WDR90: variants seen among roughly 807,000 people sequenced by gnomAD.
WDR90 encodes WD repeat-containing protein 90.
In WDR90, 238 loss-of-function variants were observed where a neutral mutation model predicts 195.2. The observed-to-expected ratio is 1.22, with a 90% CI of 1.10 to 1.36. WDR90 has a LOEUF of 1.36. Ranked by LOEUF, WDR90 falls within the 40% of genes most tolerant of loss-of-function variation. WDR90 has a pLI of 0.00. For missense variants in WDR90, 2,734 were observed against 2,439.5 expected (o/e 1.12, Z -2.54); for synonymous variants, 1,265 against 1,052.4 (o/e 1.20, Z -3.91).
chr16:649,272 G>C, upstream of WDR90: 1 of 959,034 alleles, frequency 1.0e-6, no homozygotes, highest in East Asian at 3.3e-5. Flanking sequence ...TCCCACCGGG[G>C]AGGTCACGTG....
Position 650,662 on chromosome 16 carries a change from G to C in WDR90, c.512G>C (p.Ser171Thr), listed in dbSNP as rs201099087. ...GHLKSIRLCA[S>T]LLVRNLYTSD... ...CTCAAGAGCATCAGGCTGTGCGCCAGCCTGCTGGTCAGGAACCTGTACACC... is the reference window on the plus strand; with the variant it reads ...CTCAAGAGCATCAGGCTGTGCGCCACCCTGCTGGTCAGGAACCTGTACACC... The change falls in exon 5 of 41, where the codon AGC becomes ACC. Residue 171 changes from serine (S) to threonine (T), a missense_variant. Transcript: ENST00000293879. 72 of 1,612,526 alleles carry C rather than the reference G, an allele frequency of 4.5e-5. No individual in the cohort carries two copies. Among genetic ancestry groups the C allele is most frequent in the Non-Finnish European group, 3.6e-5 (43 of 1,179,802 alleles).
chr16:662,536 G>A (rs569423494), intron 33 of WDR90, 143 bp from the exon 34 acceptor site: 149 of 1,292,096 alleles, frequency 1.2e-4, no homozygotes, highest in Middle Eastern at 1.1e-3. Context: ...CAGCTCCATG[G>A]GCTTTCTCTT....
chr16:663,167 G>C, intron 34 of WDR90: 1 of 422,810 alleles, frequency 2.4e-6, no homozygotes, highest in South Asian at 1.9e-5. Context: ...TCCGGGCGTG[G>C]TGGTTCATGC....
intron 34 of WDR90, among the ~76,000 whole-genome samples, chr16:663,763 C>T (rs542016925): frequency 1.7e-4 from 26 of 152,230 alleles, no homozygotes; most frequent in Non-Finnish European, 3.5e-4. Flanking sequence ...ACCGTGTCGC[C>T]CCCTCACCCG....
Position 652,450 on chromosome 16 carries a change from GC to G in WDR90, c.1054-16del. 6.3e-7 allele frequency: 1 copy of G among 1,595,136 alleles called. No homozygotes were observed. The highest frequency in any genetic ancestry group is 8.6e-7 in the Non-Finnish European group (1 of 1,169,478). The stretch of plus-strand genomic sequence containing the variant: ...TGGCTGAGCCTCCCAGGACTTTGAT[GC>G]GAATGGCTGTTTCAGGGCTTCCTCC... On this transcript the variant is annotated splice_polypyrimidine_tract_variant and intron_variant, in intron 9 of 40. Transcript: ENST00000293879.
At position 650,038 on chromosome 16, in the gene WDR90, T is replaced by C; in HGVS notation, c.150T>C (p.Ser50=). The change falls in exon 3 of 41, where the codon TCT becomes TCC. Residue 50 remains serine (S), a synonymous_variant. Coordinates refer to ENST00000293879, the MANE Select transcript of WDR90 (RefSeq NM_145294.5). ...TGTATCGCATTCGGGGCTCAGTCTC[T>C]GCCGCCAACTACATCCAGCTCCCTA... The part of the protein sequence containing the change: ...GAVYRIRGSV[S]AANYIQLPKS... 1 of 1,612,888 alleles carries C rather than the reference T, an allele frequency of 6.2e-7. No homozygotes were observed. Among genetic ancestry groups the C allele is most frequent in the Non-Finnish European group, 8.5e-7 (1 of 1,179,984 alleles).
chr16:661,072 G>A lies in WDR90; in HGVS notation c.3413G>A (p.Gly1138Asp), dbSNP rs867337301. 2.8e-6 allele frequency: 4 copies of A among 1,421,250 alleles called. No individual in the cohort carries two copies. Among genetic ancestry groups the A allele is most frequent in the African/African-American group, 2.1e-5 (1 of 48,634 alleles). 88.0% of individuals were successfully genotyped at this position (1,421,250 alleles called of 1,614,324 possible). The part of the protein sequence containing the change: ...PDTGFFAYTC[G>D]RLVVVEDLHS... ...ACAGGCTTCTTTGCCTACACGTGCGGCCGCCTGGTGGTGGTGGAGGACCTG... is the reference window on the plus strand; with the variant it reads ...ACAGGCTTCTTTGCCTACACGTGCGACCGCCTGGTGGTGGTGGAGGACCTG... The change falls in exon 29 of 41, where the codon GGC becomes GAC. Residue 1138 changes from glycine (G) to aspartate (D), a missense_variant. Physicochemically the swap from Gly to Asp is moderately conservative, Grantham distance 94. Coordinates refer to ENST00000293879, the MANE Select transcript of WDR90 (RefSeq NM_145294.5).
chr16:649,976 C>A lies in WDR90; in HGVS notation c.103-15C>A, dbSNP rs773032586. The A allele has an allele frequency of 3.1e-6, 5 of 1,611,432 alleles. No individual in the cohort carries two copies. The Admixed American group carries it at 8.3e-5, about 27-fold the overall frequency. On this transcript the variant is annotated splice_polypyrimidine_tract_variant and intron_variant, in intron 2 of 40. Transcript: ENST00000293879. ...TTCTGGGTGCTGTCGGTGATGCGGG[C>A]TCCCGCTTCTCCAGGACAAGACCCT...
chr16:664,044 G>A (rs528417404), intron 34 of WDR90, among the ~76,000 whole-genome samples: 1 of 152,334 alleles, frequency 6.6e-6, no homozygotes, highest in East Asian at 1.9e-4. Context: ...ACGATAGCCA[G>A]CAAAGAAAGT....
In WDR90 at chr16:656,750, T is replaced by A. The variant is rs779915893; in HGVS notation, c.2221T>A (p.Ser741Thr). 8.1e-6 allele frequency: 13 copies of A among 1,612,962 alleles called. No individual in the cohort carries two copies. The East Asian group carries it at 2.9e-4, about 36-fold the overall frequency. Residue 741 changes from serine to threonine, a missense_variant, in exon 19 of 41, where the codon TCA becomes ACA. Ser to Thr is a moderately conservative substitution (Grantham distance 58). Coordinates refer to ENST00000293879, the MANE Select transcript of WDR90 (RefSeq NM_145294.5). ...CCCACAGCTATACGACTTCACATCA[T>A]CAGAGGACGCCCCGTGCGCTGTCAC... ...TLQQLYDFTS[S>T]EDAPCAVTFH...
At position 667,779 on chromosome 16, in the gene WDR90, C is replaced by T. The variant is rs1341263143; in HGVS notation, c.*190C>T. The T allele has an allele frequency of 3.9e-6, 3 of 766,312 alleles. No individual in the cohort carries two copies. The highest frequency in any genetic ancestry group is 6.6e-6 in the Non-Finnish European group (3 of 455,514). 47.5% of individuals were successfully genotyped at this position (766,312 alleles called of 1,614,324 possible). The stretch of plus-strand genomic sequence containing the variant: ...ACTTTCATACCTGTTGCCCTTTTGC[C>T]TAAGAAATCTTTAATGTTTCTATCT... On this transcript the variant is annotated 3_prime_UTR_variant, in exon 41 of 41. Transcript: ENST00000293879.
rs1356966603 is a variant in WDR90, at chr16:658,877, G to T, written c.2896-19G>T. ...CATGCCCCGCCTCGGGGTCCTGCAT[G>T]TGACGCCGCTACCCCTAGGTGTACA... On this transcript the variant is annotated intron_variant, in intron 23 of 40. Coordinates refer to ENST00000293879, the MANE Select transcript of WDR90 (RefSeq NM_145294.5). 6.2e-7 allele frequency: 1 copy of T among 1,609,854 alleles called. No homozygotes were observed. The highest frequency in any genetic ancestry group is 8.5e-7 in the Non-Finnish European group (1 of 1,179,538).
rs1307187426 is a variant in WDR90 at position 651,752 on chromosome 16, G to A, written c.840+5G>A. 1.2e-6 allele frequency: 2 copies of A among 1,613,062 alleles called. No homozygotes were observed. Among genetic ancestry groups the A allele is most frequent in the East Asian group, 2.2e-5 (1 of 44,886 alleles). On this transcript the variant is annotated splice_donor_5th_base_variant and intron_variant, in intron 8 of 40. Transcript: ENST00000293879. ...CAGACGCCCAGCCCCACAGCCGTGA[G>A]TACCCCCTTCGCCCTATGAGATGGG...
Position 656,140 on chromosome 16 carries a change from C to T in WDR90, c.1967-162C>T. 10 of 794,416 alleles carry T rather than the reference C, an allele frequency of 1.3e-5. No individual in the cohort carries two copies. In the South Asian group the frequency reaches 1.4e-4, roughly 11 times the overall value. The allele number at this position is 794,416 out of a possible 1,614,324, so 49.2% of individuals were successfully genotyped here. Reference sequence around the variant, plus strand: ...CCCCTCAGCCTGGGTCCCGCCTAGCCTAAGAGTGGTGGCCTCGAGGGAGCT... The same window carrying T: ...CCCCTCAGCCTGGGTCCCGCCTAGCTTAAGAGTGGTGGCCTCGAGGGAGCT... On this transcript the variant is annotated intron_variant, in intron 17 of 40. Coordinates refer to ENST00000293879, the MANE Select transcript of WDR90 (RefSeq NM_145294.5).
Position 657,762 on chromosome 16 carries a change from C to A in WDR90, c.2474C>A (p.Ala825Glu), listed in dbSNP as rs772626875. The change falls in exon 21 of 41, where the codon GCG becomes GAG. Residue 825 changes from alanine to glutamate, a missense_variant and splice_region_variant. Transcript: ENST00000293879. ...DPQWHVLRVA[A>E]DMVCPDAPAS... ...TGACCCCTGCCCCGTGTGGCCACAGCGGACATGGTATGCCCGGATGCCCCC... is the reference window on the plus strand; with the variant it reads ...TGACCCCTGCCCCGTGTGGCCACAGAGGACATGGTATGCCCGGATGCCCCC... 4 of 1,546,296 alleles carry A rather than the reference C, an allele frequency of 2.6e-6. No homozygotes were observed. In the African/African-American group the frequency reaches 4.1e-5, roughly 16 times the overall value.
rs2037740914 is a variant in WDR90 at position 655,864 on chromosome 16, C to T, written c.1941C>T (p.Asp647=). The T allele has an allele frequency of 6.9e-6, 11 of 1,598,518 alleles. No homozygotes were observed. Among genetic ancestry groups the T allele is most frequent in the South Asian group, 1.1e-5 (1 of 89,000 alleles). The stretch of plus-strand genomic sequence containing the variant: ...GCTTCTTGCGGCTCTGGCCCCTGGA[C>T]TTCTCCTCGGTGCTCCTGGAGGCAG... The part of the protein sequence containing the change: ...EDGFLRLWPL[D]FSSVLLEAEH... The change falls in exon 17 of 41, where the codon GAC becomes GAT. Residue 647 remains aspartate (D), a synonymous_variant. Transcript: ENST00000293879.
chr16:663,127 T>C (rs771621138), intron 34 of WDR90: 13 of 573,884 alleles, frequency 2.3e-5, no homozygotes, highest in Non-Finnish European at 3.3e-5. Context: ...TGTTTTTTGT[T>C]TTTTGTAATT....
Position 656,557 on chromosome 16 carries a change from G to T in WDR90, c.2202+20G>T. On this transcript the variant is annotated intron_variant, in intron 18 of 40. Coordinates refer to ENST00000293879, the MANE Select transcript of WDR90 (RefSeq NM_145294.5). Reference sequence around the variant, plus strand: ...CAGCAGGTGGGGTTTGGCAGGGGCAGCACGGCAGGGAGGGCCGGGAGGTCC... The same window carrying T: ...CAGCAGGTGGGGTTTGGCAGGGGCATCACGGCAGGGAGGGCCGGGAGGTCC... 6.4e-7 allele frequency: 1 copy of T among 1,562,010 alleles called. No individual in the cohort carries two copies.
intron 15 of WDR90, 42 bp from the exon 16 acceptor site, chr16:655,531 C>T: frequency 1.9e-6 from 3 of 1,548,866 alleles, no homozygotes; most frequent in Non-Finnish European, 2.6e-6. Context: ...TGGGCCTCCC[C>T]TTCCCTGAGG....
Sources: allele counts gnomAD v4.1 joint callset (sites outside exome capture counted in the v4.1 genomes callset), GRCh38; gene constraint gnomAD v4.1.1; transcripts MANE v1.5; gene names NCBI Gene and HGNC (gene_info 2026-07-23, HGNC 2026-07-21).